Variants in TBCD observed in about 807,000 individuals in gnomAD.
The protein encoded by TBCD is tubulin folding cofactor D.
A neutral mutation model predicts 169.3 loss-of-function variants in TBCD; 105 were observed. That is an observed-to-expected ratio of 0.62 (90% confidence interval 0.53 to 0.73). The LOEUF is 0.73. Ranked by LOEUF, TBCD falls within the 30% of genes least tolerant of loss-of-function variation. The probability of loss-of-function intolerance (pLI) is 0.00; values close to 1 mark genes in which losing one functional copy is unlikely to be tolerated. For missense variants in TBCD, 1,444 were observed against 1,600.1 expected (o/e 0.90, Z 1.66); for synonymous variants, 700 against 643.9 (o/e 1.09, Z -1.32).
Position 82,900,648 on chromosome 17 carries a change from C to T in TBCD, c.1650-3C>T, listed in dbSNP as rs1350094972. On this transcript the variant is annotated splice_region_variant and splice_polypyrimidine_tract_variant and intron_variant, in intron 17 of 38. Transcript: ENST00000355528. Reference sequence around the variant, plus strand: ...CACCACCTCTCCATGCTGTCTTTTCCAGTGTGTTTATTGCCGGCTTTCCTG... The same window carrying T: ...CACCACCTCTCCATGCTGTCTTTTCTAGTGTGTTTATTGCCGGCTTTCCTG... 1.2e-6 allele frequency: 2 copies of T among 1,613,512 alleles called. No individual in the cohort carries two copies. The highest frequency in any genetic ancestry group is 1.7e-6 in the Non-Finnish European group (2 of 1,179,584).
chr17:82,792,809 T>A (rs1259028346), intron 7 of TBCD, among the ~76,000 whole-genome samples: 2 of 152,210 alleles, frequency 1.3e-5, no homozygotes, highest in African/African-American at 4.8e-5. Flanking sequence ...TACCTTTTTT[T>A]TTGGCGTCAG....
chr17:82,842,812 GCT>G (rs1265344491), intron 13 of TBCD, among the ~76,000 whole-genome samples: 3 of 128,998 alleles, frequency 2.3e-5, no homozygotes, highest in African/African-American at 9.1e-5. Context: ...ATGGAATCTC[GCT>G]CTGTCACCCA....
intron 14 of TBCD, among the ~76,000 whole-genome samples, chr17:82,872,053 G>A (rs1198272321): frequency 1.3e-5 from 2 of 152,164 alleles, no homozygotes; most frequent in South Asian, 2.1e-4. Context: ...AGTAGCGTCC[G>A]GAGAGGGACC....
chr17:82,783,236 G>C (rs907581010), intron 7 of TBCD, among the ~76,000 whole-genome samples: 1 of 152,154 alleles, frequency 6.6e-6, no homozygotes, highest in African/African-American at 2.4e-5. Context: ...ATGAGGAAAA[G>C]GTTTCAGACG....
At position 82,921,423 on chromosome 17, in the gene TBCD, T is replaced by C. The variant is rs2061412627; in HGVS notation, c.2102-78T>C. 5.2e-6 allele frequency: 6 copies of C among 1,153,244 alleles called. No individual in the cohort carries two copies. The African/African-American group carries it at 6.1e-5, about 12-fold the overall frequency. 71.4% of individuals were successfully genotyped at this position (1,153,244 alleles called of 1,614,324 possible). A position where few individuals can be genotyped will look rare whatever the true frequency, so the allele number is the denominator to read the frequency against. On this transcript the variant is annotated intron_variant, in intron 24 of 38. Transcript: ENST00000355528. The stretch of plus-strand genomic sequence containing the variant: ...CCATCGACTTTAAGATTAGTATTAA[T>C]AGAAGCTGTTTTTGCTGTTGTTTTT...
At chr17:82,911,663 C>G in intron 22 of TBCD, 95 bp from the exon 23 acceptor site, 3 of 1,261,434 alleles carry the variant, frequency 2.4e-6, no homozygotes, top group Non-Finnish European at 3.4e-6. Flanking sequence ...CATTTTAATG[C>G]TTTTTGGAGC....
rs772271410 is a variant in TBCD, at chr17:82,929,682, C to A, written c.2991+182C>A. 4.8e-6 allele frequency: 4 copies of A among 841,180 alleles called. No homozygotes were observed. The East Asian group carries it at 8.0e-5, about 17-fold the overall frequency. The allele number at this position is 841,180 out of a possible 1,614,324, so 52.1% of individuals were successfully genotyped here. A position where few individuals can be genotyped will look rare whatever the true frequency, so the allele number is the denominator to read the frequency against. ...TCCTCATGACCCAGGAGGCTTAGGG[C>A]CTGTGGGATGGTTGAGTCTGATGAA... On this transcript the variant is annotated intron_variant, in intron 32 of 38. Coordinates refer to ENST00000355528, the MANE Select transcript of TBCD (RefSeq NM_005993.5).
intron 23 of TBCD, chr17:82,913,426 T>C (rs1425962145): frequency 1.3e-5 from 2 of 152,204 alleles, no homozygotes; most frequent in African/African-American, 4.8e-5. Flanking sequence ...CCGAATCCCT[T>C]TGGCCAACGA....
chr17:82,915,561 A>C lies in TBCD; in HGVS notation c.2038+3772A>C, dbSNP rs2060970196. Among the ~76,000 whole-genome samples the C allele has an allele frequency of 6.6e-6, 1 of 152,190 alleles. No individual in the cohort carries two copies. Among genetic ancestry groups the C allele is most frequent in the Non-Finnish European group, 1.5e-5 (1 of 68,028 alleles). On this transcript the variant is annotated intron_variant, in intron 23 of 38. Transcript: ENST00000355528. This position sits in a 1 kb window ranked among gnomAD's most constrained non-coding sequence, Gnocchi z 4.3. ...AAAGAAACAGGAACTCTGTTTAGTG[A>C]AGCAGCGATGAAGGAGGGGTTTGTC...
intron 13 of TBCD, among the ~76,000 whole-genome samples, chr17:82,869,066 G>T (rs944409621): frequency 6.6e-6 from 1 of 152,204 alleles, no homozygotes. Flanking sequence ...GCCACCTGGG[G>T]AGGAGTGCTT....
At chr17:82,861,722 C>G (rs1206999164) in intron 13 of TBCD, among the ~76,000 whole-genome samples, 2 of 152,156 alleles carry the variant, frequency 1.3e-5, no homozygotes, top group Non-Finnish European at 2.9e-5. Flanking sequence ...GTGGCACATA[C>G]CGGGCTTTTT....
chr17:82,872,935 TG>T, intron 14 of TBCD, among the ~76,000 whole-genome samples: 1 of 143,726 alleles, frequency 7.0e-6, no homozygotes, highest in East Asian at 2.0e-4. Flanking sequence ...CGACGGCTTC[TG>T]AGCCAGGCCC....
At chr17:82,836,151 C>G (rs532511813) in intron 13 of TBCD, among the ~76,000 whole-genome samples, 1 of 152,382 alleles carries the variant, frequency 6.6e-6, no homozygotes, top group East Asian at 1.9e-4. Context: ...TGGGGCAGAC[C>G]TGCTCTGGGT....
intron 2 of TBCD, among the ~76,000 whole-genome samples, chr17:82,759,909 T>C (rs1442334529): frequency 2.1e-5 from 3 of 144,932 alleles, no homozygotes; most frequent in Non-Finnish European, 3.0e-5. Context: ...TTTTTTGAGA[T>C]GGAGTCTCGC....
At chr17:82,888,298 C>T (rs1327616377) in intron 15 of TBCD, among the ~76,000 whole-genome samples, 1 of 152,244 alleles carries the variant, frequency 6.6e-6, no homozygotes, top group Non-Finnish European at 1.5e-5. Context: ...TCAGCCTTCG[C>T]ACTGGGCAGG....
At chr17:82,911,882 C>A in intron 23 of TBCD, 93 bp downstream of exon 23, 3 of 1,368,064 alleles carry the variant, frequency 2.2e-6, no homozygotes, top group Non-Finnish European at 1.0e-6. Context: ...GGCCCATTAG[C>A]CCCCAGGGTG....
rs2062127892 is a variant in TBCD, at chr17:82,930,742, T to C, written c.3113+99T>C. On this transcript the variant is annotated intron_variant, in intron 33 of 38. Coordinates refer to ENST00000355528, the MANE Select transcript of TBCD (RefSeq NM_005993.5). This position sits in a 1 kb window ranked among gnomAD's most constrained non-coding sequence, Gnocchi z 5.2. ...GGGGTCTCGCAGGGTCTGTCTGGGGTCTGAAGGGAGAAGCGAGACACACGC... is the reference window on the plus strand; with the variant it reads ...GGGGTCTCGCAGGGTCTGTCTGGGGCCTGAAGGGAGAAGCGAGACACACGC... 4 of 1,557,758 alleles carry C rather than the reference T, an allele frequency of 2.6e-6. No homozygotes were observed. Among genetic ancestry groups the C allele is most frequent in the East Asian group, 4.5e-5 (2 of 44,422 alleles).
At chr17:82,759,452 C>T (rs192842401) in intron 2 of TBCD, among the ~76,000 whole-genome samples, 1 of 152,212 alleles carries the variant, frequency 6.6e-6, no homozygotes, top group East Asian at 1.9e-4. Context: ...TGCCACTGCA[C>T]TCCAGCGTGG....
At chr17:82,893,224 T>C (rs12948880) in intron 16 of TBCD, 153,645 of 345,880 alleles carry the variant, frequency 0.44, 35,291 homozygotes, top group African/African-American at 0.57. Context: ...TGTTGAGACC[T>C]GAAGACCGTT....
Sources: gnomAD v4.1 joint callset for allele counts (sites outside exome capture counted in the v4.1 genomes callset) on GRCh38, gnomAD v4.1.1 for gene constraint, Gnocchi (gnomAD v3.1) non-coding constraint, MANE v1.5 for transcripts, NCBI Gene and HGNC (gene_info 2026-07-23, HGNC 2026-07-21) for gene names.